Variants in HSPA4L observed in about 807,000 individuals in gnomAD.
HSPA4L encodes heat shock 70 kDa protein 4L.
Under a neutral mutation model 100.3 loss-of-function variants are expected in HSPA4L, and 48 were observed. The observed-to-expected ratio is 0.48, with a 90% CI of 0.38 to 0.61. The LOEUF (loss-of-function observed/expected upper bound fraction) is 0.61, where lower values mean the gene tolerates loss of function less well. Among genes scored for constraint, HSPA4L ranks in the 20% least tolerant of loss-of-function variants. The probability of loss-of-function intolerance (pLI) is 0.00; values close to 1 mark genes in which losing one functional copy is unlikely to be tolerated. For synonymous variants in HSPA4L, 319 were observed against 328.2 expected, an observed-to-expected ratio of 0.97 and a Z score of 0.30; for missense variants, 886 against 988.6, an observed-to-expected ratio of 0.90 and a Z score of 1.39.
intron 10 of HSPA4L, 142 bp from the exon 11 acceptor site, chr4:127,807,854 A>G: frequency 1.3e-6 from 1 of 765,848 alleles, no homozygotes; most frequent in Non-Finnish European, 2.0e-6. Flanking sequence ...TTTAGAGCAA[A>G]ATCAGTAATT....
At position 127,832,487 on chromosome 4, in the gene HSPA4L, G is replaced by A. The variant is rs539103033; in HGVS notation, c.2329-196G>A. Among the ~76,000 whole-genome samples the A allele has an allele frequency of 5.3e-5, 8 of 152,232 alleles. No homozygotes were observed. The East Asian group carries it at 1.5e-3, about 29-fold the overall frequency. On this transcript the variant is annotated intron_variant, in intron 18 of 18. Coordinates refer to ENST00000296464, the MANE Select transcript of HSPA4L (RefSeq NM_014278.4). ...AATTGTTTAAGATTCAATAATTTTT[G>A]ACTGCCACAGACATATACTAACAAA...
At position 127,782,674 on chromosome 4, in the gene HSPA4L, A is replaced by G. The variant is rs370161431; in HGVS notation, c.107+17A>G. The G allele has an allele frequency of 4.9e-5, 76 of 1,553,638 alleles. No individual in the cohort carries two copies. Among genetic ancestry groups the G allele is most frequent in the Non-Finnish European group, 7.1e-6 (8 of 1,132,564 alleles). Reference sequence around the variant, plus strand: ...GTGTACCCCGTAAGTGCCTCTGCTGAGCATCACCTCGACCCTAAGAAACGT... The same window carrying G: ...GTGTACCCCGTAAGTGCCTCTGCTGGGCATCACCTCGACCCTAAGAAACGT... On this transcript the variant is annotated intron_variant, in intron 1 of 18. Transcript: ENST00000296464.
At position 127,803,699 on chromosome 4, in the gene HSPA4L, G is replaced by A; in HGVS notation, c.734G>A (p.Cys245Tyr). 1 of 1,613,748 alleles carries A rather than the reference G, an allele frequency of 6.2e-7. No individual in the cohort carries two copies. Among genetic ancestry groups the A allele is most frequent in the Non-Finnish European group, 8.5e-7 (1 of 1,179,884 alleles). ...NFDEALVDYF[C>Y]DEFKTKYKIN... is the part of the protein sequence containing the mutation. ...GATGAGGCTTTAGTAGACTACTTCT[G>A]TGATGAGTTCAAGACCAAATATAAG... is the stretch of plus-strand genomic sequence containing the variant. The change falls in exon 7 of 19, where the codon TGT becomes TAT. Residue 245 changes from cysteine to tyrosine, a missense_variant. By Grantham distance (194) the Cys-to-Tyr change is radical. Coordinates refer to ENST00000296464, the MANE Select transcript of HSPA4L (RefSeq NM_014278.4).
rs1578730037 is a variant in HSPA4L at position 127,834,874 on chromosome 4, T to A, written c.*2000T>A. On this transcript the variant is annotated 3_prime_UTR_variant, in exon 19 of 19. Transcript: ENST00000296464. Reference sequence around the variant, plus strand: ...GACATTTTCCATTCCTGCTCTGAAGTCACTTTTAGTTTTGTGTTTTAGTCA... The same window carrying A: ...GACATTTTCCATTCCTGCTCTGAAGACACTTTTAGTTTTGTGTTTTAGTCA... The A allele has an allele frequency of 6.6e-6, 1 of 152,186 alleles. No homozygotes were observed. The highest frequency in any genetic ancestry group is 2.4e-5 in the African/African-American group (1 of 41,458). 9.4% of individuals were successfully genotyped at this position (152,186 alleles called of 1,614,324 possible).
chr4:127,812,408 C>CA (rs769753070), intron 12 of HSPA4L, among the ~76,000 whole-genome samples: 2,808 of 62,290 alleles, frequency 0.045, 164 homozygotes, highest in East Asian at 0.36. Context: ...GACTCCATCT[C>CA]AAAAAAAAAA....
At chr4:127,790,959 A>C (rs111977348) in intron 1 of HSPA4L, among the ~76,000 whole-genome samples, 23 of 152,220 alleles carry the variant, frequency 1.5e-4, no homozygotes, top group African/African-American at 5.5e-4. Flanking sequence ...TCTCTACAAA[A>C]AATTTTAAAA....
intron 3 of HSPA4L, among the ~76,000 whole-genome samples, chr4:127,796,828 G>A (rs1158919372): frequency 6.6e-6 from 1 of 152,160 alleles, no homozygotes; most frequent in Admixed American, 6.5e-5. Flanking sequence ...GAAAAATAGA[G>A]AGTGACTGCT....
At position 127,836,377 on chromosome 4, in the gene HSPA4L, C is replaced by G. The variant is rs946011746; in HGVS notation, c.*3503C>G. ...GCAAGACTCCATCTCAAAAACAAAA[C>G]AAAACAAAAACATAAAAGGAAAACA... On this transcript the variant is annotated 3_prime_UTR_variant, in exon 19 of 19. Coordinates refer to ENST00000296464, the MANE Select transcript of HSPA4L (RefSeq NM_014278.4). 6.3e-6 allele frequency: 1 copy of G among 157,636 alleles called. No homozygotes were observed. The highest frequency in any genetic ancestry group is 2.4e-5 in the African/African-American group (1 of 41,166). The allele number at this position is 157,636 out of a possible 1,614,324, so 9.8% of individuals were successfully genotyped here.
intron 18 of HSPA4L, among the ~76,000 whole-genome samples, chr4:127,832,128 T>A (rs1734099081): frequency 6.6e-6 from 1 of 152,174 alleles, no homozygotes; most frequent in African/African-American, 2.4e-5. Context: ...TCTATTTGTT[T>A]GTAAAAAGCA....
chr4:127,784,893 C>T (rs1406083565), intron 1 of HSPA4L, among the ~76,000 whole-genome samples: 1 of 152,192 alleles, frequency 6.6e-6, no homozygotes, highest in Non-Finnish European at 1.5e-5. Flanking sequence ...AAATGTTTTT[C>T]ATATTCCAAT....
intron 9 of HSPA4L, 57 bp downstream of exon 9, chr4:127,805,281 T>A (rs976360386): frequency 7.4e-7 from 1 of 1,355,650 alleles, no homozygotes; most frequent in African/African-American, 1.5e-5. Flanking sequence ...GAGTGATAGA[T>A]CCAAAGGGGC....
chr4:127,804,630 C>CACACACACACAG (rs1560659073), intron 8 of HSPA4L, among the ~76,000 whole-genome samples: 1 of 151,532 alleles, frequency 6.6e-6, no homozygotes, highest in African/African-American at 2.4e-5. Flanking sequence ...CACACACACA[C>CACACACACACAG]ACACACACAC....
Position 127,801,123 on chromosome 4 carries a change from G to T in HSPA4L, c.430-15G>T. ...ACATAAAACATTATACTTAACTGTTGTTTTTAAATACTAGATTCCTAGCTT... is the reference window on the plus strand; with the variant it reads ...ACATAAAACATTATACTTAACTGTTTTTTTTAAATACTAGATTCCTAGCTT... On this transcript the variant is annotated splice_polypyrimidine_tract_variant and intron_variant, in intron 4 of 18. Coordinates refer to ENST00000296464, the MANE Select transcript of HSPA4L (RefSeq NM_014278.4). 6.3e-7 allele frequency: 1 copy of T among 1,582,608 alleles called. No homozygotes were observed. Among genetic ancestry groups the T allele is most frequent in the South Asian group, 1.1e-5 (1 of 88,308 alleles).
chr4:127,812,579 G>T (rs1733564883), intron 12 of HSPA4L: 3 of 616,102 alleles, frequency 4.9e-6, no homozygotes, highest in Admixed American at 3.0e-5. Context: ...TTATTTGTGT[G>T]CATTATTTTT....
chr4:127,798,810 C>T, intron 4 of HSPA4L, 101 bp downstream of exon 4: 1 of 1,099,020 alleles, frequency 9.1e-7, no homozygotes, highest in African/African-American at 1.6e-5. Context: ...TGCCCTTATC[C>T]AGTAAATAAC....
chr4:127,782,001 T>C (rs1732564693), upstream of HSPA4L: 2 of 450,844 alleles, frequency 4.4e-6, no homozygotes, highest in Admixed American at 4.8e-5. Context: ...GCCGGTCGCC[T>C]GCCTCTCACC....
In HSPA4L at chr4:127,798,587, G is replaced by A. The variant is rs763228055; in HGVS notation, c.307G>A (p.Val103Met). 3.7e-6 allele frequency: 6 copies of A among 1,613,320 alleles called. No individual in the cohort carries two copies. Among genetic ancestry groups the A allele is most frequent in the East Asian group, 2.2e-5 (1 of 44,784 alleles). Reference protein sequence around the residue: ...KMPNGSAGVKVRYLEEERPFA... With the variant: ...KMPNGSAGVKMRYLEEERPFA... The stretch of plus-strand genomic sequence containing the variant: ...TAAATATCCCAACTTTTGGTGTTAG[G>A]TGCGGTACTTAGAGGAAGAGAGACC... The change falls in exon 4 of 19, where the codon GTG (valine) becomes ATG (methionine). Residue 103 changes from valine to methionine, a missense_variant and splice_region_variant. Physicochemically the swap from Val to Met is conservative, Grantham distance 21. Coordinates refer to ENST00000296464, the MANE Select transcript of HSPA4L (RefSeq NM_014278.4).
At chr4:127,827,186 G>A in intron 16 of HSPA4L, 119 bp from the exon 17 acceptor site, 1 of 756,036 alleles carries the variant, frequency 1.3e-6, no homozygotes, top group South Asian at 2.2e-5. Context: ...GAAAATAAGA[G>A]GGGATATATT....
At chr4:127,791,684 C>A (rs1354155986) in intron 1 of HSPA4L, among the ~76,000 whole-genome samples, 1 of 152,180 alleles carries the variant, frequency 6.6e-6, no homozygotes, top group African/African-American at 2.4e-5. Flanking sequence ...CTCCTCTCAT[C>A]AGTTAACACT....
Sources: gnomAD v4.1 joint callset for allele counts (sites outside exome capture counted in the v4.1 genomes callset) on GRCh38, gnomAD v4.1.1 for gene constraint, MANE v1.5 for transcripts, NCBI Gene and HGNC (gene_info 2026-07-23, HGNC 2026-07-21) for gene names.